The following PARP1 variants were observed in gnomAD, a reference collection of about 807,000 sequenced individuals.
PARP1 encodes poly(ADP-ribose) polymerase 1.
PARP1 carries 44 observed loss-of-function variants against 118.7 expected under a neutral mutation model. The ratio of observed to expected loss-of-function variants is 0.37; its 90% CI spans 0.29 to 0.48. PARP1 has a LOEUF of 0.48. PARP1 is among the 20% of genes least tolerant of loss of function. The pLI is 0.99. For synonymous variants in PARP1, 492 were observed against 483.2 expected, an observed-to-expected ratio of 1.02 and a Z score of -0.24; for missense variants, 1,100 against 1,272.4, an observed-to-expected ratio of 0.86 and a Z score of 2.06.
chr1:226,379,097 C>G (rs539088651), intron 12 of PARP1, 45 bp downstream of exon 12: 9 of 1,612,370 alleles, frequency 5.6e-6, no homozygotes, highest in African/African-American at 1.3e-5. Flanking sequence ...CAATGCAGGA[C>G]GGGCCCATGT....
intron 4 of PARP1, 35 bp from the exon 5 acceptor site, chr1:226,388,790 G>C: frequency 6.6e-7 from 1 of 1,525,912 alleles, no homozygotes; most frequent in Non-Finnish European, 9.1e-7. Context: ...GACAGCCAGA[G>C]CCATTAAAAG....
At chr1:226,362,184 CTTTTT>C (rs368063214) in intron 21 of PARP1, 101 bp from the exon 22 acceptor site, 4 of 604,580 alleles carry the variant, frequency 6.6e-6, no homozygotes, top group African/African-American at 6.0e-5. Flanking sequence ...TGTGGTCTTT[CTTTTT>C]TTTTTTTTTC....
intron 20 of PARP1, 89 bp from the exon 21 acceptor site, chr1:226,363,249 A>G: frequency 1.1e-6 from 1 of 906,980 alleles, no homozygotes; most frequent in Non-Finnish European, 1.9e-6. Flanking sequence ...TCAGATACAG[A>G]GATGAGATAA....
At chr1:226,365,248 G>T in intron 18 of PARP1, 94 bp from the exon 19 acceptor site, 1 of 1,373,526 alleles carries the variant, frequency 7.3e-7, no homozygotes, top group Non-Finnish European at 1.0e-6. Context: ...GAAATGACCG[G>T]CTGTCCCTAA....
intron 2 of PARP1, among the ~76,000 whole-genome samples, chr1:226,393,851 T>A (rs1159703138): frequency 2.0e-5 from 3 of 152,212 alleles, no homozygotes; most frequent in Non-Finnish European, 2.9e-5. Context: ...ATGTAAATCA[T>A]TTTTAATATT....
chr1:226,360,916 T>C lies in PARP1; in HGVS notation c.*544A>G, dbSNP rs925888235. 3.1e-5 allele frequency: 7 copies of C among 226,058 alleles called. No homozygotes were observed. In the East Asian group the frequency reaches 4.5e-4, roughly 15 times the overall value. The allele number at this position is 226,058 out of a possible 1,614,324, so 14.0% of individuals were successfully genotyped here. A position where few individuals can be genotyped will look rare whatever the true frequency, so the allele number is the denominator to read the frequency against. On this transcript the variant is annotated 3_prime_UTR_variant, in exon 23 of 23. Coordinates refer to ENST00000366794, the MANE Select transcript of PARP1 (RefSeq NM_001618.4). The stretch of plus-strand genomic sequence containing the variant: ...GAGAAATTGTTAGCGTTCCTTCCTT[T>C]GGTCTTCCCACACCCCTCACCACAA...
At chr1:226,389,110 G>A (rs1664776908) in intron 4 of PARP1, among the ~76,000 whole-genome samples, 1 of 152,128 alleles carries the variant, frequency 6.6e-6, no homozygotes, top group South Asian at 2.1e-4. Context: ...TCCTGGCCTG[G>A]AAGGTTCTAG....
intron 7 of PARP1, among the ~76,000 whole-genome samples, 173 bp downstream of exon 7, chr1:226,385,331 T>C (rs1189269878): frequency 6.6e-6 from 1 of 152,188 alleles, no homozygotes; most frequent in Non-Finnish European, 1.5e-5. Context: ...GGTTCTACAT[T>C]TGCGTAGTTT....
intron 9 of PARP1, among the ~76,000 whole-genome samples, chr1:226,380,853 G>T (rs906118769): frequency 6.6e-6 from 1 of 152,124 alleles, no homozygotes; most frequent in Non-Finnish European, 1.5e-5. Flanking sequence ...GTAGCTTACC[G>T]TCTTTAGTTG....
At position 226,383,071 on chromosome 1, in the gene PARP1, G is replaced by A. The variant is rs1401471013; in HGVS notation, c.1124C>T (p.Ser375Leu). 6.8e-6 allele frequency: 11 copies of A among 1,612,854 alleles called. No individual in the cohort carries two copies. Among genetic ancestry groups the A allele is most frequent in the South Asian group, 4.4e-5 (4 of 91,028 alleles). Reference protein sequence around the residue: ...VAATPPPSTASAPAAVNSSAS... With the variant: ...VAATPPPSTALAPAAVNSSAS... ...AGAGGAGTTCACAGCAGCAGGAGCC[G>A]AGGCTGTGGAGGGCGGAGGCGTGGC... Residue 375 changes from serine (S) to leucine (L), a missense_variant, in exon 8 of 23, where the codon TCG becomes TTG. Physicochemically the swap from Ser to Leu is moderately radical, Grantham distance 145. Transcript: ENST00000366794.
In PARP1 at chr1:226,377,056, G is replaced by A. The variant is rs1558236393; in HGVS notation, c.1941+52C>T. On this transcript the variant is annotated intron_variant, in intron 13 of 22. Transcript: ENST00000366794. ...CACGATGTGGATTTTCTAGAATAAGGTGTCCCTTCCTTTTCCTAGAAGCAG... is the reference window on the plus strand; with the variant it reads ...CACGATGTGGATTTTCTAGAATAAGATGTCCCTTCCTTTTCCTAGAAGCAG... The A allele has an allele frequency of 1.6e-5, 24 of 1,465,646 alleles. 1 individual carries two copies. The South Asian group carries it at 2.5e-4, about 15-fold the overall frequency. The allele number at this position is 1,465,646 out of a possible 1,614,324, so 90.8% of individuals were successfully genotyped here.
At chr1:226,397,962 A>G (rs1478658026) in intron 2 of PARP1, among the ~76,000 whole-genome samples, 1 of 136,830 alleles carries the variant, frequency 7.3e-6, no homozygotes, top group East Asian at 2.0e-4. Flanking sequence ...TCCACATGCG[A>G]AAAAAAAAAA....
intron 15 of PARP1, among the ~76,000 whole-genome samples, chr1:226,368,716 G>A (rs1430520504): frequency 6.6e-6 from 1 of 152,138 alleles, no homozygotes; most frequent in Non-Finnish European, 1.5e-5. Context: ...AATGTTGGGA[G>A]GAGGTTGCCC....
intron 2 of PARP1, among the ~76,000 whole-genome samples, chr1:226,394,871 G>C (rs1217244335): frequency 2.6e-5 from 4 of 152,182 alleles, no homozygotes; most frequent in African/African-American, 9.7e-5. Context: ...CTCTGTGCCT[G>C]AACTTCCTCA....
intron 2 of PARP1, among the ~76,000 whole-genome samples, chr1:226,399,291 C>G (rs745805838): frequency 6.6e-6 from 1 of 151,956 alleles, no homozygotes; most frequent in Non-Finnish European, 1.5e-5. Flanking sequence ...AGGCTGGTCT[C>G]GAACTCCTGA....
intron 2 of PARP1, among the ~76,000 whole-genome samples, chr1:226,396,657 C>A (rs752392833): frequency 1.8e-4 from 28 of 152,180 alleles, no homozygotes; most frequent in Non-Finnish European, 3.8e-4. Context: ...AGTATCCTAA[C>A]TGTATGGTTA....
chr1:226,404,697 G>A (rs1576405145), intron 1 of PARP1, among the ~76,000 whole-genome samples: 1 of 152,184 alleles, frequency 6.6e-6, no homozygotes, highest in Non-Finnish European at 1.5e-5. Flanking sequence ...TGGCAGAAAG[G>A]CACCAAACCA....
rs1347916735 is a variant in PARP1 at position 226,360,826 on chromosome 1, C to T, written c.*634G>A. 6 of 228,054 alleles carry T rather than the reference C, an allele frequency of 2.6e-5. No homozygotes were observed. The highest frequency in any genetic ancestry group is 1.7e-4 in the Admixed American group (3 of 17,602). The allele number at this position is 228,054 out of a possible 1,614,324, so 14.1% of individuals were successfully genotyped here. A position where few individuals can be genotyped will look rare whatever the true frequency, so the allele number is the denominator to read the frequency against. Reference sequence around the variant, plus strand: ...ATTTCAAATGCAACTTTTAATACTACATATTTCAAGAGCTCCCATGTTCAG... The same window carrying T: ...ATTTCAAATGCAACTTTTAATACTATATATTTCAAGAGCTCCCATGTTCAG... On this transcript the variant is annotated 3_prime_UTR_variant, in exon 23 of 23. Coordinates refer to ENST00000366794, the MANE Select transcript of PARP1 (RefSeq NM_001618.4).
In PARP1 at chr1:226,377,120, A is replaced by C; in HGVS notation, c.1929T>G (p.Ile643Met). 1 of 1,613,658 alleles carries C rather than the reference A, an allele frequency of 6.2e-7. No individual in the cohort carries two copies. Among genetic ancestry groups the C allele is most frequent in the Non-Finnish European group, 8.5e-7 (1 of 1,179,792 alleles). ...KYPKKFYPLE[I>M]DYGQDEEAVK... ...ATTATGTGGTTACCTGGCCATAGTC[A>C]ATCTCCAGGGGGTAGAACTTTTTGG... is the stretch of plus-strand genomic sequence containing the variant. Residue 643 changes from isoleucine to methionine, a missense_variant, in exon 13 of 23, where the codon ATT (isoleucine) becomes ATG (methionine). Transcript: ENST00000366794.
Sources: gnomAD v4.1 joint callset for allele counts (sites outside exome capture counted in the v4.1 genomes callset) on GRCh38, gnomAD v4.1.1 for gene constraint, MANE v1.5 for transcripts, NCBI Gene and HGNC (gene_info 2026-07-23, HGNC 2026-07-21) for gene names.